The following MDGA2 variants were observed in gnomAD, a reference collection of about 807,000 sequenced individuals.
The protein encoded by MDGA2 is MAM domain-containing glycosylphosphatidylinositol anchor protein 2.
A neutral mutation model predicts 117.8 loss-of-function variants in MDGA2; 40 were observed. That is an observed-to-expected ratio of 0.34 (90% CI 0.26 to 0.44). The LOEUF (loss-of-function observed/expected upper bound fraction) is 0.44. Among genes scored for constraint, MDGA2 ranks in the 20% least tolerant of loss-of-function variants. The pLI, the probability that MDGA2 is intolerant of heterozygous loss-of-function variation, is 1.00. For synonymous variants in MDGA2, 452 were observed against 439.0 expected (o/e 1.03, Z -0.37); for missense variants, 1,123 against 1,250.6 (o/e 0.90, Z 1.54).
At chr14:47,215,276 A>C (rs1471968007) in intron 3 of MDGA2, among the ~76,000 whole-genome samples, 1 of 152,110 alleles carries the variant, frequency 6.6e-6, no homozygotes, top group Non-Finnish European at 1.5e-5. Flanking sequence ...TATATAAATG[A>C]ATATCTATTC....
At chr14:47,548,197 T>A (rs2138770835) in intron 1 of MDGA2, among the ~76,000 whole-genome samples, 1 of 152,336 alleles carries the variant, frequency 6.6e-6, no homozygotes, top group Non-Finnish European at 1.5e-5. Flanking sequence ...ATTTAGTTTA[T>A]TACATAGTTT....
At chr14:47,297,630 ACTTT>A (rs907064199) in intron 2 of MDGA2, among the ~76,000 whole-genome samples, 2 of 152,270 alleles carry the variant, frequency 1.3e-5, no homozygotes, top group South Asian at 4.1e-4. Flanking sequence ...GCAAACCCTT[ACTTT>A]CTTTCTTTCT....
At chr14:47,496,815 A>G (rs1255497207) in intron 1 of MDGA2, among the ~76,000 whole-genome samples, 1 of 151,756 alleles carries the variant, frequency 6.6e-6, no homozygotes, top group Non-Finnish European at 1.5e-5. Flanking sequence ...GTAAAATAAA[A>G]CAATGGTCCC....
intron 1 of MDGA2, among the ~76,000 whole-genome samples, chr14:47,625,176 T>C (rs1351391128): frequency 1.3e-5 from 2 of 152,138 alleles, no homozygotes; most frequent in Non-Finnish European, 2.9e-5. Flanking sequence ...CTGTGACAAG[T>C]TTTTATTTAT....
intron 1 of MDGA2, among the ~76,000 whole-genome samples, chr14:47,447,543 A>C (rs925976358): frequency 2.6e-5 from 4 of 152,150 alleles, no homozygotes; most frequent in South Asian, 4.1e-4. Flanking sequence ...ACACAGCAAT[A>C]AACTTCTCTA....
At chr14:47,031,095 CATT>C (rs1888647769) in intron 8 of MDGA2, among the ~76,000 whole-genome samples, 1 of 151,864 alleles carries the variant, frequency 6.6e-6, no homozygotes, top group African/African-American at 2.4e-5. Context: ...TTTGTATAAA[CATT>C]ATAATTTTGT....
intron 1 of MDGA2, among the ~76,000 whole-genome samples, chr14:47,530,348 C>T (rs1358804151): frequency 6.6e-6 from 1 of 152,132 alleles, no homozygotes; most frequent in Non-Finnish European, 1.5e-5. Flanking sequence ...TGTTTGTAAC[C>T]AGCTTTTCCT....
intron 1 of MDGA2, among the ~76,000 whole-genome samples, chr14:47,567,041 A>C (rs184181571): frequency 5.3e-5 from 8 of 151,940 alleles, no homozygotes; most frequent in Admixed American, 3.3e-4. Context: ...AGTAAATCAG[A>C]CTACAGGCAT....
At chr14:47,336,289 G>A (rs1192766628) in intron 1 of MDGA2, among the ~76,000 whole-genome samples, 1 of 151,864 alleles carries the variant, frequency 6.6e-6, no homozygotes, top group Admixed American at 6.6e-5. Context: ...GGGAAGCAGG[G>A]CAGCGGGGAG....
intron 1 of MDGA2, among the ~76,000 whole-genome samples, chr14:47,537,557 T>A (rs1259866797): frequency 8.3e-6 from 1 of 121,166 alleles, no homozygotes; most frequent in East Asian, 2.4e-4. Flanking sequence ...TATTATCCAC[T>A]GTTACCTTCT....
chr14:47,388,784 A>G (rs907818503), intron 1 of MDGA2, among the ~76,000 whole-genome samples: 1 of 152,148 alleles, frequency 6.6e-6, no homozygotes, highest in African/African-American at 2.4e-5. Flanking sequence ...GGAGGAGGAT[A>G]AGTGACCCAG....
chr14:47,121,594 C>G (rs934521031), intron 5 of MDGA2, among the ~76,000 whole-genome samples: 2 of 152,024 alleles, frequency 1.3e-5, no homozygotes, highest in Non-Finnish European at 2.9e-5. Context: ...TCTTTTCTTT[C>G]TTCACAAAGG....
chr14:47,225,513 G>C (rs1366553749), intron 2 of MDGA2, among the ~76,000 whole-genome samples: 1 of 150,518 alleles, frequency 6.6e-6, no homozygotes, highest in Non-Finnish European at 1.5e-5. Context: ...CCTTTGTAGG[G>C]ACATGGATGA....
chr14:47,098,743 A>G (rs1880128401), intron 5 of MDGA2, among the ~76,000 whole-genome samples: 1 of 151,938 alleles, frequency 6.6e-6, no homozygotes, highest in African/African-American at 2.4e-5. Flanking sequence ...ATATTAACAG[A>G]TTAATTTCTT....
chr14:47,473,967 G>A (rs1893782487), intron 1 of MDGA2, among the ~76,000 whole-genome samples: 1 of 152,162 alleles, frequency 6.6e-6, no homozygotes, highest in South Asian at 2.1e-4. Flanking sequence ...CATAGTACTG[G>A]AAGTTCTGGC....
At chr14:47,390,368 T>A (rs1594832706) in intron 1 of MDGA2, among the ~76,000 whole-genome samples, 1 of 132,310 alleles carries the variant, frequency 7.6e-6, no homozygotes, top group East Asian at 2.5e-4. Context: ...AGTGTCTCTG[T>A]CACCCAATTC....
chr14:47,319,122 T>G (rs1210562834), intron 1 of MDGA2, among the ~76,000 whole-genome samples: 1 of 152,186 alleles, frequency 6.6e-6, no homozygotes, highest in Non-Finnish European at 1.5e-5. Context: ...ATGATTGTAT[T>G]ACAATATTTT....
In MDGA2 at chr14:47,301,404, G is replaced by C; in HGVS notation, c.420+7C>G. ...TGTTTTCTCCAGTGTCACAGTTCGG[G>C]ACTCACCTGTGGACGTGGATGTCCT... On this transcript the variant is annotated splice_region_variant and intron_variant, in intron 2 of 16. Coordinates refer to ENST00000399232, the MANE Select transcript of MDGA2 (RefSeq NM_001113498.3). 1 of 1,551,652 alleles carries C rather than the reference G, an allele frequency of 6.4e-7. No individual in the cohort carries two copies. The highest frequency in any genetic ancestry group is 8.7e-7 in the Non-Finnish European group (1 of 1,146,960).
At chr14:47,275,949 T>C (rs1286172331) in intron 2 of MDGA2, among the ~76,000 whole-genome samples, 2 of 152,106 alleles carry the variant, frequency 1.3e-5, no homozygotes, top group Non-Finnish European at 1.5e-5. Flanking sequence ...TACATTCCCA[T>C]TGTCTCAAGC....
Sources: allele counts gnomAD v4.1 joint callset (sites outside exome capture counted in the v4.1 genomes callset), GRCh38; gene constraint gnomAD v4.1.1; transcripts MANE v1.5; gene names NCBI Gene and HGNC (gene_info 2026-07-23, HGNC 2026-07-21).